The following ENTREP1 variants were observed in gnomAD, a reference collection of about 807,000 sequenced individuals.
ENTREP1 encodes endosomal transmembrane epsin interactor 1.
the ENTREP1 span, chr9:69,385,909 C>T: frequency 8.1e-6 from 13 of 1,613,176 alleles, no homozygotes; most frequent in South Asian, 4.4e-5. Context: ...AGGACCAGGT[C>T]GAAGAGTGAC....
At chr9:69,364,630 C>T in the ENTREP1 span, among the ~76,000 whole-genome samples, 10 of 152,074 alleles carry the variant, frequency 6.6e-5, no homozygotes, top group African/African-American at 2.4e-4. Context: ...CCCTGTAAAC[C>T]CTGAGTTCTT....
the ENTREP1 span, among the ~76,000 whole-genome samples, chr9:69,340,804 T>C: frequency 0.024 from 1,357 of 56,676 alleles, 23 homozygotes; most frequent in African/African-American, 0.076. Context: ...TGTGTGCATG[T>C]GTGTGTGTAT....
At chr9:69,325,229 T>C in the ENTREP1 span, 12 of 1,047,412 alleles carry the variant, frequency 1.1e-5, no homozygotes, top group Non-Finnish European at 1.1e-5. Flanking sequence ...CCCAGTGTGC[T>C]GCGCCTTCGG....
the ENTREP1 span, among the ~76,000 whole-genome samples, chr9:69,389,750 C>CT: frequency 6.6e-6 from 1 of 152,248 alleles, no homozygotes; most frequent in Middle Eastern, 3.2e-3. Flanking sequence ...CCTGGACCTT[C>CT]TGCAAAGTCT....
At chr9:69,383,733 G>C in the ENTREP1 span, 12 of 1,614,060 alleles carry the variant, frequency 7.4e-6, no homozygotes, top group African/African-American at 2.7e-5. Context: ...ATATGAAGCT[G>C]TGGTGAGCCA....
the ENTREP1 span, chr9:69,388,103 C>T: frequency 1.2e-6 from 2 of 1,613,282 alleles, no homozygotes; most frequent in South Asian, 1.1e-5. Flanking sequence ...CAGGTACAGG[C>T]ATATGTTCAA....
At chr9:69,344,971 C>T in the ENTREP1 span, among the ~76,000 whole-genome samples, 1 of 152,278 alleles carries the variant, frequency 6.6e-6, no homozygotes, top group South Asian at 2.1e-4. Context: ...TAATCAAGAA[C>T]TCTGAATGCT....
At chr9:69,390,597 A>G in the ENTREP1 span, among the ~76,000 whole-genome samples, 1 of 152,206 alleles carries the variant, frequency 6.6e-6, no homozygotes, top group African/African-American at 2.4e-5. Flanking sequence ...ATTGTTTATT[A>G]AAGGATTATC....
the ENTREP1 span, among the ~76,000 whole-genome samples, chr9:69,384,900 A>AT: frequency 0.017 from 2,528 of 151,390 alleles, 60 homozygotes; most frequent in African/African-American, 0.058. Flanking sequence ...TAATTTTTCC[A>AT]TTTTTTTTTT....
At chr9:69,365,817 G>T in the ENTREP1 span, among the ~76,000 whole-genome samples, 1 of 151,966 alleles carries the variant, frequency 6.6e-6, no homozygotes, top group Admixed American at 6.6e-5. Context: ...TTAACATAAG[G>T]GCCTCCAGTT....
chr9:69,362,253 A>C, the ENTREP1 span, among the ~76,000 whole-genome samples: 2 of 152,186 alleles, frequency 1.3e-5, no homozygotes, highest in Non-Finnish European at 2.9e-5. Flanking sequence ...AACAATACCA[A>C]GCTGTGATAG....
chr9:69,349,584 G>A, the ENTREP1 span, among the ~76,000 whole-genome samples: 5 of 152,048 alleles, frequency 3.3e-5, no homozygotes, highest in African/African-American at 1.2e-4. Context: ...CAGATCCATT[G>A]CCCATTTAAA....
At chr9:69,367,812 CACATAT>C in the ENTREP1 span, among the ~76,000 whole-genome samples, 18 of 70,594 alleles carry the variant, frequency 2.5e-4, no homozygotes, top group African/African-American at 8.6e-4. Context: ...TATATATACA[CACATAT>C]ATATAAATAT....
the ENTREP1 span, among the ~76,000 whole-genome samples, chr9:69,326,384 T>G: frequency 6.6e-6 from 1 of 152,102 alleles, no homozygotes; most frequent in Non-Finnish European, 1.5e-5. Flanking sequence ...ATTCAGTTTG[T>G]GAGAACCGGG....
chr9:69,339,961 A>C, the ENTREP1 span, among the ~76,000 whole-genome samples: 65 of 152,244 alleles, frequency 4.3e-4, no homozygotes, highest in South Asian at 0.013. Flanking sequence ...CTCTCCCCAG[A>C]CTACAGTCAG....
chr9:69,351,195 T>C, the ENTREP1 span, among the ~76,000 whole-genome samples: 10 of 152,192 alleles, frequency 6.6e-5, no homozygotes, highest in Non-Finnish European at 1.2e-4. Flanking sequence ...AAGTAGCCAT[T>C]TTAAAAAATA....
the ENTREP1 span, among the ~76,000 whole-genome samples, chr9:69,369,135 C>T: frequency 6.6e-6 from 1 of 152,130 alleles, no homozygotes; most frequent in South Asian, 2.1e-4. Context: ...CCAGCTTTAT[C>T]CATGTCCCTG....
the ENTREP1 span, chr9:69,375,601 A>G: frequency 1.5e-6 from 1 of 684,988 alleles, no homozygotes; most frequent in East Asian, 2.7e-5. Flanking sequence ...ACCCTAGCCC[A>G]TCCTGACTGA....
chr9:69,367,614 T>C, the ENTREP1 span, among the ~76,000 whole-genome samples: 560 of 142,714 alleles, frequency 3.9e-3, 5 homozygotes, highest in East Asian at 4.8e-3. Flanking sequence ...TATATATATA[T>C]ACACACATAT....
Sources: allele counts gnomAD v4.1 joint callset (sites outside exome capture counted in the v4.1 genomes callset), GRCh38; gene constraint gnomAD v4.1.1; transcripts MANE v1.5; gene names NCBI Gene and HGNC (gene_info 2026-07-23, HGNC 2026-07-21).